Variants in RHBDL1 observed in about 807,000 individuals in gnomAD.
RHBDL1 encodes the protein rhomboid like 1, also known as rhomboid-related protein 1.
In RHBDL1, 21 loss-of-function variants were observed where a neutral mutation model predicts 34.0. The ratio of observed to expected loss-of-function variants is 0.62; its 90% confidence interval spans 0.44 to 0.89. The LOEUF is 0.89. Among genes scored for constraint, RHBDL1 ranks in the 40% least tolerant of loss-of-function variants. The pLI is 0.00. For missense variants in RHBDL1, 450 were observed against 530.6 expected, an observed-to-expected ratio of 0.85 and a Z score of 1.49; for synonymous variants, 268 against 234.8, an observed-to-expected ratio of 1.14 and a Z score of -1.29.
At position 676,604 on chromosome 16, in the gene RHBDL1, T is replaced by G; in HGVS notation, c.202-68T>G. 1 of 1,586,100 alleles carries G rather than the reference T, an allele frequency of 6.3e-7. No homozygotes were observed. Among genetic ancestry groups the G allele is most frequent in the Non-Finnish European group, 8.6e-7 (1 of 1,168,174 alleles). On this transcript the variant is annotated intron_variant, in intron 2 of 7. Coordinates refer to ENST00000352681, the MANE Select transcript of RHBDL1 (RefSeq NM_001278720.2). The surrounding 1 kb of genome is among the most constrained non-coding windows in gnomAD (Gnocchi z 6.9). ...TGGGGGGCTTGTGGATGCGGGGAGC[T>G]GGGTGAGCCTCACAGGCAGGGGTGC...
In RHBDL1 at chr16:676,736, G is replaced by A. The variant is rs769059358; in HGVS notation, c.266G>A (p.Arg89Gln). Residue 89 changes from arginine to glutamine, a missense_variant, in exon 3 of 8, where the codon CGG becomes CAG. Coordinates refer to ENST00000352681, the MANE Select transcript of RHBDL1 (RefSeq NM_001278720.2). The surrounding 1 kb of genome is among the most constrained non-coding windows in gnomAD (Gnocchi z 6.9). The part of the protein sequence containing the change: ...AIANGQRALP[R>Q]DGPLDEPGLG... Reference sequence around the variant, plus strand: ...GCTAACGGACAGCGGGCACTGCCCCGGGACGGGCCGCTGGATGAGCCAGGC... The same window carrying A: ...GCTAACGGACAGCGGGCACTGCCCCAGGACGGGCCGCTGGATGAGCCAGGC... The A allele has an allele frequency of 1.4e-5, 23 of 1,612,042 alleles. No individual in the cohort carries two copies. The highest frequency in any genetic ancestry group is 1.6e-4 in the Middle Eastern group (1 of 6,084).
At position 676,175 on chromosome 16, in the gene RHBDL1, C is replaced by T. The variant is rs1315265877; in HGVS notation, c.40-161C>T. On this transcript the variant is annotated intron_variant, in intron 1 of 7. Transcript: ENST00000352681. This position sits in a 1 kb window ranked among gnomAD's most constrained non-coding sequence, Gnocchi z 6.9. ...GACCCAGGCACCAGTGCCCTGCCAG[C>T]TCCTGGGATCAAGCAGGGTCCCAGG... 6.7e-7 allele frequency: 1 copy of T among 1,493,268 alleles called. No individual in the cohort carries two copies. Among genetic ancestry groups the T allele is most frequent in the African/African-American group, 1.4e-5 (1 of 71,066 alleles). 92.5% of individuals were successfully genotyped at this position (1,493,268 alleles called of 1,614,324 possible).
rs758650022 is a variant in RHBDL1, at chr16:676,530, C to A, written c.201+33C>A. On this transcript the variant is annotated intron_variant, in intron 2 of 7. Coordinates refer to ENST00000352681, the MANE Select transcript of RHBDL1 (RefSeq NM_001278720.2). The surrounding 1 kb of genome is among the most constrained non-coding windows in gnomAD (Gnocchi z 6.9). Reference sequence around the variant, plus strand: ...CCACGGTGGGCAGGCGGCAGGGGCACGGTGTCCTGGCCAGAGGAGGCGGGC... The same window carrying A: ...CCACGGTGGGCAGGCGGCAGGGGCAAGGTGTCCTGGCCAGAGGAGGCGGGC... 5.7e-6 allele frequency: 9 copies of A among 1,570,490 alleles called. No individual in the cohort carries two copies. The South Asian group carries it at 9.1e-5, about 16-fold the overall frequency.
In RHBDL1 at chr16:676,526, G is replaced by A. The variant is rs766125412; in HGVS notation, c.201+29G>A. 3.2e-6 allele frequency: 5 copies of A among 1,571,950 alleles called. No individual in the cohort carries two copies. Among genetic ancestry groups the A allele is most frequent in the Non-Finnish European group, 4.3e-6 (5 of 1,162,390 alleles). On this transcript the variant is annotated intron_variant, in intron 2 of 7. Transcript: ENST00000352681. The surrounding 1 kb of genome is among the most constrained non-coding windows in gnomAD (Gnocchi z 6.9). ...AGTGCCACGGTGGGCAGGCGGCAGG[G>A]GCACGGTGTCCTGGCCAGAGGAGGC...
intron 1 of RHBDL1, 121 bp downstream of exon 1, chr16:675,950 C>T: frequency 7.1e-7 from 1 of 1,413,006 alleles, no homozygotes; most frequent in Non-Finnish European, 9.4e-7. Flanking sequence ...CCTCATCCCT[C>T]CACGACCTTG....
rs957334154 is a variant in RHBDL1 at position 676,570 on chromosome 16, G to A, written c.201+73G>A. The stretch of plus-strand genomic sequence containing the variant: ...AGGAGGCGGGCAGGCAGCTCCTCAC[G>A]GCGGTGGGTGGGGGGCTTGTGGATG... On this transcript the variant is annotated intron_variant, in intron 2 of 7. Transcript: ENST00000352681. This position sits in a 1 kb window ranked among gnomAD's most constrained non-coding sequence, Gnocchi z 6.9. 8.9e-6 allele frequency: 14 copies of A among 1,571,488 alleles called. No individual in the cohort carries two copies. The East Asian group carries it at 1.4e-4, about 15-fold the overall frequency.
Position 678,180 on chromosome 16 carries a change from AAGG to A in RHBDL1, c.*132_*134del. 1 of 1,396,308 alleles carries A rather than the reference AAGG, an allele frequency of 7.2e-7. No homozygotes were observed. Among genetic ancestry groups the A allele is most frequent in the Non-Finnish European group, 9.2e-7 (1 of 1,081,504 alleles). 86.5% of individuals were successfully genotyped at this position (1,396,308 alleles called of 1,614,324 possible). ...TGCCCCTTGGGTGTGGGTGGCCTCA[AAGG>A]AGGCCCTGTCCCAGCCACCCACCCC... On this transcript the variant is annotated 3_prime_UTR_variant, in exon 8 of 8. Coordinates refer to ENST00000352681, the MANE Select transcript of RHBDL1 (RefSeq NM_001278720.2).
chr16:676,004 G>A lies in RHBDL1; in HGVS notation c.39+175G>A, dbSNP rs2039528872. The A allele has an allele frequency of 2.1e-6, 3 of 1,429,108 alleles. No individual in the cohort carries two copies. The highest frequency in any genetic ancestry group is 2.9e-5 in the Admixed American group (1 of 34,552). 88.5% of individuals were successfully genotyped at this position (1,429,108 alleles called of 1,614,324 possible). On this transcript the variant is annotated intron_variant, in intron 1 of 7. Coordinates refer to ENST00000352681, the MANE Select transcript of RHBDL1 (RefSeq NM_001278720.2). This position sits in a 1 kb window ranked among gnomAD's most constrained non-coding sequence, Gnocchi z 6.9. ...CCAGGAGAGGACTGACTGGACCAGA[G>A]CTCCTGGCTGGAGAAGGGAGAGTCG...
intron 1 of RHBDL1, 29 bp downstream of exon 1, chr16:675,858 G>A: frequency 6.7e-7 from 1 of 1,501,210 alleles, no homozygotes; most frequent in Non-Finnish European, 8.9e-7. Flanking sequence ...TGGGGAGCTG[G>A]CACCGCCCCC....
chr16:675,955 A>C (rs552218164), intron 1 of RHBDL1, 126 bp downstream of exon 1: 1 of 1,398,306 alleles, frequency 7.2e-7, no homozygotes, highest in South Asian at 1.5e-5. Context: ...TCCCTCCACG[A>C]CCTTGGTCCG....
At position 676,267 on chromosome 16, in the gene RHBDL1, C is replaced by G. The variant is rs573526564; in HGVS notation, c.40-69C>G. 1.9e-6 allele frequency: 3 copies of G among 1,571,014 alleles called. No individual in the cohort carries two copies. Among genetic ancestry groups the G allele is most frequent in the Middle Eastern group, 3.4e-4 (2 of 5,936 alleles). On this transcript the variant is annotated intron_variant, in intron 1 of 7. Transcript: ENST00000352681. This position sits in a 1 kb window ranked among gnomAD's most constrained non-coding sequence, Gnocchi z 6.9. ...GCCTGAGCCTGATGCTCCCAGCCAG[C>G]CTGGCCCAGCCCTTTGGTCCAGGGG... is the stretch of plus-strand genomic sequence containing the variant.
Position 676,537 on chromosome 16 carries a change from C to T in RHBDL1, c.201+40C>T. 6.4e-7 allele frequency: 1 copy of T among 1,571,108 alleles called. No individual in the cohort carries two copies. Among genetic ancestry groups the T allele is most frequent in the Non-Finnish European group, 8.6e-7 (1 of 1,162,654 alleles). On this transcript the variant is annotated intron_variant, in intron 2 of 7. Coordinates refer to ENST00000352681, the MANE Select transcript of RHBDL1 (RefSeq NM_001278720.2). The surrounding 1 kb of genome is among the most constrained non-coding windows in gnomAD (Gnocchi z 6.9). ...GGGCAGGCGGCAGGGGCACGGTGTC[C>T]TGGCCAGAGGAGGCGGGCAGGCAGC...
At chr16:675,982 GGAGA>G (rs2039528198) in intron 1 of RHBDL1, 153 bp downstream of exon 1, 2 of 1,419,066 alleles carry the variant, frequency 1.4e-6, no homozygotes, top group Admixed American at 2.9e-5. Context: ...TGGGACCCCA[GGAGA>G]GGACTGACTG....
chr16:678,061 C>T lies in RHBDL1; in HGVS notation c.*9C>T. 1 of 1,551,048 alleles carries T rather than the reference C, an allele frequency of 6.4e-7. No individual in the cohort carries two copies. Among genetic ancestry groups the T allele is most frequent in the Non-Finnish European group, 8.7e-7 (1 of 1,153,498 alleles). On this transcript the variant is annotated 3_prime_UTR_variant, in exon 8 of 8. Transcript: ENST00000352681. The stretch of plus-strand genomic sequence containing the variant: ...TCCCCCCACCGCCCTGACCGGCTAC[C>T]TGAGGCTGCACAGGCCAGGGCTCGG...
In RHBDL1 at chr16:676,445, T is replaced by C; in HGVS notation, c.149T>C (p.Leu50Pro). 1.2e-6 allele frequency: 2 copies of C among 1,605,522 alleles called. No homozygotes were observed. The highest frequency in any genetic ancestry group is 1.7e-6 in the Non-Finnish European group (2 of 1,178,286). Residue 50 changes from leucine (L) to proline (P), a missense_variant, in exon 2 of 8, where the codon CTG becomes CCG. By Grantham distance (98) the Leu-to-Pro change is moderately conservative. Transcript: ENST00000352681. This position sits in a 1 kb window ranked among gnomAD's most constrained non-coding sequence, Gnocchi z 6.9. ...DPAKLDMLVA[L>P]AQSNEQGQVC... ...GCCAAGCTGGACATGCTGGTGGCCCTGGCTCAGAGCAACGAGCAGGGCCAG... is the reference window on the plus strand; with the variant it reads ...GCCAAGCTGGACATGCTGGTGGCCCCGGCTCAGAGCAACGAGCAGGGCCAG...
rs924703053 is a variant in RHBDL1 at position 676,114 on chromosome 16, G to A, written c.40-222G>A. ...CTCGCTTTCCAGGATGGGTAGGGTG[G>A]AAGACGGGGGAACAACTGAGGAGCT... On this transcript the variant is annotated intron_variant, in intron 1 of 7. Coordinates refer to ENST00000352681, the MANE Select transcript of RHBDL1 (RefSeq NM_001278720.2). This position sits in a 1 kb window ranked among gnomAD's most constrained non-coding sequence, Gnocchi z 6.9. 3.4e-6 allele frequency: 5 copies of A among 1,453,992 alleles called. No individual in the cohort carries two copies. Among genetic ancestry groups the A allele is most frequent in the Non-Finnish European group, 4.5e-6 (5 of 1,099,384 alleles). The allele number at this position is 1,453,992 out of a possible 1,614,324, so 90.1% of individuals were successfully genotyped here.
chr16:675,838 G>C lies in RHBDL1; in HGVS notation c.39+9G>C, dbSNP rs1347052561. On this transcript the variant is annotated intron_variant, in intron 1 of 7. Coordinates refer to ENST00000352681, the MANE Select transcript of RHBDL1 (RefSeq NM_001278720.2). ...AGCTCATCCAGGAGCAGGTGCGTCG[G>C]GGGGTGGTCTGGGGAGCTGGCACCG... 14 of 1,515,976 alleles carry C rather than the reference G, an allele frequency of 9.2e-6. No individual in the cohort carries two copies. Among genetic ancestry groups the C allele is most frequent in the East Asian group, 5.2e-5 (2 of 38,238 alleles). The allele number at this position is 1,515,976 out of a possible 1,614,324, so 93.9% of individuals were successfully genotyped here. A position where few individuals can be genotyped will look rare whatever the true frequency, so the allele number is the denominator to read the frequency against.
In RHBDL1 at chr16:677,838, C is replaced by G. The variant is rs770610580; in HGVS notation, c.908C>G (p.Ser303Trp). The G allele has an allele frequency of 6.3e-7, 1 of 1,586,136 alleles. No homozygotes were observed. ...WLRFSPPLPA[S>W]GPQPSFMAHL... is the part of the protein sequence containing the mutation. ...CGCTTCTCCCCGCCGCTGCCCGCCTCGGGCCCACAGCCCAGCTTCATGGCG... is the reference window on the plus strand; with the variant it reads ...CGCTTCTCCCCGCCGCTGCCCGCCTGGGGCCCACAGCCCAGCTTCATGGCG... Residue 303 changes from serine to tryptophan, a missense_variant, in exon 8 of 8, where the codon TCG (serine) becomes TGG (tryptophan). Ser to Trp is a radical substitution (Grantham distance 177). Transcript: ENST00000352681.
Position 676,180 on chromosome 16 carries a change from G to C in RHBDL1, c.40-156G>C. On this transcript the variant is annotated intron_variant, in intron 1 of 7. Coordinates refer to ENST00000352681, the MANE Select transcript of RHBDL1 (RefSeq NM_001278720.2). This position sits in a 1 kb window ranked among gnomAD's most constrained non-coding sequence, Gnocchi z 6.9. ...AGGCACCAGTGCCCTGCCAGCTCCTGGGATCAAGCAGGGTCCCAGGGAACA... is the reference window on the plus strand; with the variant it reads ...AGGCACCAGTGCCCTGCCAGCTCCTCGGATCAAGCAGGGTCCCAGGGAACA... 17 of 1,498,804 alleles carry C rather than the reference G, an allele frequency of 1.1e-5. No homozygotes were observed. The highest frequency in any genetic ancestry group is 1.4e-5 in the Non-Finnish European group (16 of 1,119,668). The allele number at this position is 1,498,804 out of a possible 1,614,324, so 92.8% of individuals were successfully genotyped here. A position where few individuals can be genotyped will look rare whatever the true frequency, so the allele number is the denominator to read the frequency against.
Sources: gnomAD v4.1 joint callset for allele counts on GRCh38, gnomAD v4.1.1 for gene constraint, Gnocchi (gnomAD v3.1) non-coding constraint, MANE v1.5 for transcripts, NCBI Gene and HGNC (gene_info 2026-07-23, HGNC 2026-07-21) for gene names.